RASSF3: variants seen among roughly 807,000 people sequenced by gnomAD.
The protein encoded by RASSF3 is Ras association domain family member 3, also known as ras association domain-containing protein 3.
In RASSF3, 19 loss-of-function variants were observed where a neutral mutation model predicts 19.9. That is an observed-to-expected ratio of 0.96 (90% CI 0.67 to 1.40). RASSF3 has a LOEUF of 1.40. Among genes scored for constraint, RASSF3 ranks in the 40% most tolerant of loss-of-function variants. The pLI, the probability that RASSF3 is intolerant of heterozygous loss-of-function variation, is 0.00. For missense variants in RASSF3, 306 were observed against 289.8 expected (o/e 1.06, Z -0.41); for synonymous variants, 110 against 104.2 (o/e 1.06, Z -0.34).
intron 2 of RASSF3, among the ~76,000 whole-genome samples, chr12:64,570,975 T>C (rs750676689): frequency 8.5e-5 from 13 of 152,074 alleles, no homozygotes; most frequent in Non-Finnish European, 1.9e-4. Flanking sequence ...CCTAGAACTT[T>C]GGGAGGCCGA....
intron 1 of RASSF3, among the ~76,000 whole-genome samples, chr12:64,617,270 C>T (rs1474383144): frequency 6.6e-6 from 1 of 152,064 alleles, no homozygotes; most frequent in East Asian, 1.9e-4. Context: ...ATATACTTTC[C>T]CCTTGTTTTA....
At chr12:64,663,840 CTTTTTTTTTTTTTT>C (rs34450092) in intron 1 of RASSF3, among the ~76,000 whole-genome samples, 1 of 73,086 alleles carries the variant, frequency 1.4e-5, no homozygotes, top group Non-Finnish European at 2.8e-5. Context: ...TTAGCCTTGC[CTTTTTTTTTTTTTT>C]TTTTTTTTGC....
At chr12:64,585,712 C>T (rs1472093383) in intron 2 of RASSF3, among the ~76,000 whole-genome samples, 1 of 150,994 alleles carries the variant, frequency 6.6e-6, no homozygotes, top group African/African-American at 2.4e-5. Flanking sequence ...TCACACAATC[C>T]TCCTACCTCA....
intron 1 of RASSF3, among the ~76,000 whole-genome samples, chr12:64,516,998 C>CAAAAAAAAAAAAAAA (rs371430838): frequency 3.9e-4 from 20 of 51,894 alleles, no homozygotes; most frequent in Non-Finnish European, 5.3e-4. Context: ...AAATCTGTCT[C>CAAAAAAAAAAAAAAA]AAAAAAAAAA....
chr12:64,589,139 CTCTT>C (rs1323300639), intron 2 of RASSF3, among the ~76,000 whole-genome samples: 12 of 152,314 alleles, frequency 7.9e-5, no homozygotes, highest in Non-Finnish European at 1.2e-4. Context: ...GCAGCCAACT[CTCTT>C]TTTCACATTA....
At chr12:64,661,758 T>C (rs1351274530) in intron 1 of RASSF3, among the ~76,000 whole-genome samples, 1 of 145,180 alleles carries the variant, frequency 6.9e-6, no homozygotes, top group African/African-American at 2.5e-5. Flanking sequence ...CTTGGCCTAC[T>C]GCAGCCTCCA....
intron 1 of RASSF3, among the ~76,000 whole-genome samples, chr12:64,666,990 C>G (rs1229629926): frequency 6.6e-6 from 1 of 152,060 alleles, no homozygotes; most frequent in Non-Finnish European, 1.5e-5. Context: ...TTGAGATCCA[C>G]AGTGGCTCAG....
At chr12:64,640,756 C>T (rs1329430677) in intron 1 of RASSF3, among the ~76,000 whole-genome samples, 1 of 152,120 alleles carries the variant, frequency 6.6e-6, no homozygotes, top group Non-Finnish European at 1.5e-5. Flanking sequence ...GATCCTCCCA[C>T]CTCAGCCTCC....
rs200835780 is a variant in RASSF3, at chr12:64,659,951, C to CGTGTGT, written c.112-24809_112-24804dup. 1.9e-3 allele frequency among the ~76,000 whole-genome samples: 275 copies of CGTGTGT among 144,850 alleles called. 2 individuals are homozygous for CGTGTGT. Among genetic ancestry groups the CGTGTGT allele is most frequent in the African/African-American group, 4.5e-3 (177 of 39,182 alleles). On this transcript the variant is annotated intron_variant, in intron 1 of 4. Coordinates refer to ENST00000542104, the MANE Select transcript of RASSF3 (RefSeq NM_178169.4). ...TGACAAAGCGAGACTTCATCTAATACGTGTGTGTGTGTGTGTGTGTGTGTG... is the reference window on the plus strand; with the variant it reads ...TGACAAAGCGAGACTTCATCTAATACGTGTGTGTGTGTGTGTGTGTGTGTGTGTGTG...
intron 1 of RASSF3, among the ~76,000 whole-genome samples, chr12:64,671,991 A>G (rs1291029484): frequency 6.6e-6 from 1 of 152,230 alleles, no homozygotes; most frequent in Non-Finnish European, 1.5e-5. Flanking sequence ...AACAAGAGTG[A>G]CATAAAATAG....
At position 64,684,878 on chromosome 12, in the gene RASSF3, A is replaced by G. The variant is rs556497306; in HGVS notation, c.203A>G (p.Lys68Arg). 2 of 1,607,870 alleles carry G rather than the reference A, an allele frequency of 1.2e-6. No individual in the cohort carries two copies. Among genetic ancestry groups the G allele is most frequent in the African/African-American group, 2.7e-5 (2 of 74,928 alleles). Reference sequence around the variant, plus strand: ...AAATACAACTTAGCAGTCACAGACAAGTTGAAGATGACCTTGGTAAGCACT... The same window carrying G: ...AAATACAACTTAGCAGTCACAGACAGGTTGAAGATGACCTTGGTAAGCACT... ...VHKYNLAVTD[K>R]LKMTLNSNGI... Residue 68 changes from lysine (K) to arginine (R), a missense_variant, in exon 2 of 5, where the codon AAG becomes AGG. By Grantham distance (26) the Lys-to-Arg change is conservative (BLOSUM62 2). Transcript: ENST00000542104.
At chr12:64,648,541 A>G in intron 1 of RASSF3, among the ~76,000 whole-genome samples, 1 of 147,934 alleles carries the variant, frequency 6.8e-6, no homozygotes. Flanking sequence ...TTTGAGATGG[A>G]GCACGTTCCT....
chr12:64,560,234 T>A (rs895072090), intron 2 of RASSF3, among the ~76,000 whole-genome samples: 1 of 152,214 alleles, frequency 6.6e-6, no homozygotes, highest in Admixed American at 6.5e-5. Context: ...TTAACTGACT[T>A]GCTTTAGCTG....
intron 1 of RASSF3, among the ~76,000 whole-genome samples, chr12:64,632,288 A>G (rs1423462355): frequency 6.6e-6 from 1 of 152,138 alleles, no homozygotes; most frequent in African/African-American, 2.4e-5. Flanking sequence ...TACGCTGGAA[A>G]GGAGGGAGGG....
intron 2 of RASSF3, among the ~76,000 whole-genome samples, chr12:64,565,299 A>G (rs1447176105): frequency 1.3e-5 from 2 of 152,052 alleles, no homozygotes; most frequent in Non-Finnish European, 2.9e-5. Context: ...AGAGCTGGCC[A>G]GGCGTGGTGG....
intron 2 of RASSF3, among the ~76,000 whole-genome samples, chr12:64,602,866 C>G (rs1193670864): frequency 6.6e-6 from 1 of 152,072 alleles, no homozygotes; most frequent in African/African-American, 2.4e-5. Flanking sequence ...CTTGGGAGGC[C>G]AAGGTGGGTG....
At chr12:64,582,002 G>A (rs1180252593) in intron 2 of RASSF3, among the ~76,000 whole-genome samples, 3 of 151,974 alleles carry the variant, frequency 2.0e-5, no homozygotes, top group African/African-American at 4.8e-5. Flanking sequence ...CTGAGTAGCT[G>A]GGACTACAGG....
intron 1 of RASSF3, among the ~76,000 whole-genome samples, chr12:64,664,705 G>A (rs1005572962): frequency 7.9e-5 from 12 of 152,116 alleles, no homozygotes; most frequent in Admixed American, 7.9e-4. Context: ...AAATTCAAAT[G>A]TATAAGACCA....
chr12:64,571,687 T>G (rs1869522038), intron 2 of RASSF3, among the ~76,000 whole-genome samples: 1 of 152,178 alleles, frequency 6.6e-6, no homozygotes, highest in Admixed American at 6.5e-5. Flanking sequence ...TTCCAGCAAT[T>G]ATCTCCCTAT....
Sources: gnomAD v4.1 joint callset for allele counts (sites outside exome capture counted in the v4.1 genomes callset) on GRCh38, gnomAD v4.1.1 for gene constraint, MANE v1.5 for transcripts, NCBI Gene and HGNC (gene_info 2026-07-23, HGNC 2026-07-21) for gene names.